Variants in GLI3 observed in about 807,000 individuals in gnomAD.
GLI3 encodes GLI family zinc finger 3.
Under a neutral mutation model 100.8 loss-of-function variants are expected in GLI3, and 20 were observed. That is an observed-to-expected ratio of 0.20 (90% CI 0.14 to 0.29). The LOEUF is 0.29. Among genes scored for constraint, GLI3 ranks in the 10% least tolerant of loss-of-function variants. The pLI is 1.00. For synonymous variants in GLI3, 938 were observed against 860.5 expected, an observed-to-expected ratio of 1.09 and a Z score of -1.58; for missense variants, 2,040 against 2,128.5, an observed-to-expected ratio of 0.96 and a Z score of 0.82.
chr7:41,998,966 G>A (rs376458905), intron 10 of GLI3, among the ~76,000 whole-genome samples: 6 of 152,178 alleles, frequency 3.9e-5, no homozygotes, highest in Admixed American at 1.3e-4. Flanking sequence ...TGATGGGCAC[G>A]TGCACTGAGA....
At chr7:42,197,718 G>T (rs1787956023) in intron 2 of GLI3, among the ~76,000 whole-genome samples, 1 of 152,208 alleles carries the variant, frequency 6.6e-6, no homozygotes, top group African/African-American at 2.4e-5. Flanking sequence ...TAAAAGCAGT[G>T]TCGGGCTTAG....
At chr7:42,169,814 G>A (rs1787325532) in intron 2 of GLI3, among the ~76,000 whole-genome samples, 1 of 152,078 alleles carries the variant, frequency 6.6e-6, no homozygotes, top group Non-Finnish European at 1.5e-5. Flanking sequence ...TGTTAGCAGT[G>A]ATGGTTATCT....
intron 1 of GLI3, among the ~76,000 whole-genome samples, chr7:42,258,121 C>T (rs375576853): frequency 7.9e-5 from 12 of 152,146 alleles, no homozygotes; most frequent in East Asian, 7.7e-4. Flanking sequence ...GATTAATGTG[C>T]GTCTCTCCAA....
chr7:41,967,852 G>A lies in GLI3; in HGVS notation c.2175C>T (p.Asn725=). ...CGGTCAGAGGAAGCTCGAGCCCACT[G>A]TTGGAATAGTTGCTGATGGGGGACT... ...SQQSPISNYS[N]SGLELPLTDG... The change falls in exon 14 of 15, where the codon AAC becomes AAT. Residue 725 remains asparagine (N), a synonymous_variant. Coordinates refer to ENST00000395925, the MANE Select transcript of GLI3 (RefSeq NM_000168.6). 2 of 1,614,148 alleles carry A rather than the reference G, an allele frequency of 1.2e-6. No homozygotes were observed. Among genetic ancestry groups the A allele is most frequent in the South Asian group, 2.2e-5 (2 of 91,076 alleles).
intron 2 of GLI3, among the ~76,000 whole-genome samples, chr7:42,182,516 C>T (rs1047142719): frequency 1.3e-5 from 2 of 150,618 alleles, no homozygotes; most frequent in African/African-American, 4.9e-5. Context: ...TAAACTTTTT[C>T]GCCAAAGGAC....
In GLI3 at chr7:41,965,239, G is replaced by A; in HGVS notation, c.3834C>T (p.Ala1278=). The A allele has an allele frequency of 6.2e-7, 1 of 1,613,884 alleles. No homozygotes were observed. Among genetic ancestry groups the A allele is most frequent in the Non-Finnish European group, 8.5e-7 (1 of 1,179,918 alleles). ...LDGACGAGIQ[A]SKLKSTPMQG... ...GCATGGGGGTGCTCTTCAGCTTTGA[G>A]GCTTGAATCCCGGCACCACAGGCAC... Residue 1278 remains alanine, a synonymous_variant, in exon 15 of 15, where the codon GCC becomes GCT. Transcript: ENST00000395925.
At position 42,004,445 on chromosome 7, in the gene GLI3, G is replaced by T. The variant is rs567627950; in HGVS notation, c.1497+19023C>A. Among the ~76,000 whole-genome samples, 6 of 152,050 alleles carry T rather than the reference G, an allele frequency of 3.9e-5. No homozygotes were observed. The East Asian group carries it at 9.6e-4, about 24-fold the overall frequency. On this transcript the variant is annotated intron_variant, in intron 10 of 14. Transcript: ENST00000395925. The stretch of plus-strand genomic sequence containing the variant: ...ATCAAGAGTATTCAATAAGTTGATT[G>T]CACATAAAATAAAAAGAAACAAAAA...
At chr7:42,022,441 C>T (rs1394460259) in intron 10 of GLI3, among the ~76,000 whole-genome samples, 1 of 151,748 alleles carries the variant, frequency 6.6e-6, no homozygotes, top group African/African-American at 2.4e-5. Flanking sequence ...CCTAAAAATA[C>T]AGTTACTGTA....
intron 2 of GLI3, among the ~76,000 whole-genome samples, chr7:42,195,048 T>G (rs750904465): frequency 1.3e-5 from 2 of 152,144 alleles, no homozygotes; most frequent in Non-Finnish European, 2.9e-5. Context: ...ATTACAGGCA[T>G]GAGCCACTGT....
intron 4 of GLI3, among the ~76,000 whole-genome samples, chr7:42,064,101 T>G (rs1004257578): frequency 7.9e-5 from 12 of 152,104 alleles, no homozygotes; most frequent in African/African-American, 2.9e-4. Flanking sequence ...TTGCAGAGTA[T>G]AAAGAGTAAT....
At chr7:42,150,510 T>G (rs2128788154) in intron 2 of GLI3, among the ~76,000 whole-genome samples, 1 of 152,326 alleles carries the variant, frequency 6.6e-6, no homozygotes, top group East Asian at 1.9e-4. Context: ...TAATTTGTGC[T>G]CTGTATAAAG....
chr7:42,246,803 A>ATTTTTTTTTT (rs1198985258), intron 1 of GLI3, among the ~76,000 whole-genome samples: 1 of 63,374 alleles, frequency 1.6e-5, no homozygotes, highest in African/African-American at 5.8e-5. Flanking sequence ...GGATGATAGA[A>ATTTTTTTTTT]TCTTTTTTTT....
chr7:41,969,086 A>G (rs1182599710), intron 13 of GLI3, among the ~76,000 whole-genome samples: 1 of 152,216 alleles, frequency 6.6e-6, no homozygotes, highest in African/African-American at 2.4e-5. Context: ...GGACAGTCAC[A>G]CAGCACAGAA....
chr7:42,103,458 A>G (rs990950572), intron 3 of GLI3, among the ~76,000 whole-genome samples: 6 of 97,504 alleles, frequency 6.2e-5, no homozygotes, highest in Non-Finnish European at 1.3e-4. Flanking sequence ...GATCAAATGT[A>G]TCTTATTAAA....
intron 1 of GLI3, among the ~76,000 whole-genome samples, chr7:42,224,230 T>G (rs1788543524): frequency 6.6e-6 from 1 of 152,240 alleles, no homozygotes; most frequent in Admixed American, 6.5e-5. Flanking sequence ...TTATCTAGAT[T>G]GCAACATTCA....
intron 2 of GLI3, among the ~76,000 whole-genome samples, chr7:42,197,659 CT>C (rs1787954559): frequency 6.6e-6 from 1 of 152,228 alleles, no homozygotes. Context: ...AAATTCACCA[CT>C]TTGCTATGTT....
chr7:42,076,829 A>G lies in GLI3; in HGVS notation c.396T>C (p.His132=). 6.2e-7 allele frequency: 1 copy of G among 1,612,990 alleles called. No homozygotes were observed. Among genetic ancestry groups the G allele is most frequent in the Non-Finnish European group, 8.5e-7 (1 of 1,178,934 alleles). The part of the protein sequence containing the change: ...YHPPHLFPAF[H]PPVPIDARHH... Reference sequence around the variant, plus strand: ...GTCTGGCATCAATTGGTACAGGAGGATGGAAGGCAGGGAAAAGATGAGGAG... The same window carrying G: ...GTCTGGCATCAATTGGTACAGGAGGGTGGAAGGCAGGGAAAAGATGAGGAG... Residue 132 remains histidine, a synonymous_variant, in exon 4 of 15, where the codon CAT becomes CAC. Transcript: ENST00000395925.
At chr7:42,142,339 A>G (rs112205725) in intron 3 of GLI3, among the ~76,000 whole-genome samples, 4,049 of 152,238 alleles carry the variant, frequency 0.027, 129 homozygotes, top group African/African-American at 0.08. Context: ...GAACAGTGCC[A>G]GGCGGCAGGG....
At chr7:42,244,392 G>A (rs1788952542) in intron 1 of GLI3, among the ~76,000 whole-genome samples, 1 of 152,210 alleles carries the variant, frequency 6.6e-6, no homozygotes, top group Admixed American at 6.5e-5. Flanking sequence ...TACATGTAGT[G>A]CCTTCCTATA....
Sources: allele counts gnomAD v4.1 joint callset (sites outside exome capture counted in the v4.1 genomes callset), GRCh38; gene constraint gnomAD v4.1.1; transcripts MANE v1.5; gene names NCBI Gene and HGNC (gene_info 2026-07-23, HGNC 2026-07-21).